The following CCN6 variants were observed in gnomAD, a reference collection of about 807,000 sequenced individuals.
The protein encoded by CCN6 is cellular communication network factor 6.
In CCN6, 31 loss-of-function variants were observed where a neutral mutation model predicts 37.4. That is an observed-to-expected ratio of 0.83 (90% CI 0.62 to 1.12). The LOEUF (loss-of-function observed/expected upper bound fraction) is 1.12, where lower values mean the gene tolerates loss of function less well. CCN6 is among the 50% of genes most tolerant of loss of function. The probability of loss-of-function intolerance (pLI) is 0.00; values close to 1 mark genes in which losing one functional copy is unlikely to be tolerated. For synonymous variants in CCN6, 137 were observed against 142.1 expected (o/e 0.96, Z 0.26); for missense variants, 369 against 413.8 (o/e 0.89, Z 0.94).
chr6:112,056,450 G>A (rs1484902269), intron 1 of CCN6, among the ~76,000 whole-genome samples: 4 of 151,736 alleles, frequency 2.6e-5, no homozygotes, highest in African/African-American at 7.3e-5. Context: ...TTCTTTTGAT[G>A]AGAAGTCAGA....
intron 1 of CCN6, among the ~76,000 whole-genome samples, chr6:112,058,152 G>T (rs1554312129): frequency 6.6e-6 from 1 of 152,038 alleles, no homozygotes. Context: ...CTTTTCCCCT[G>T]CTCCTTCTCC....
In CCN6 at chr6:112,059,315, T is replaced by C. The variant is rs1776438849; in HGVS notation, c.49-1676T>C. ...AAAACAACATGATTATCTACAGTTCTGGACATCTGATGTCCAAAAATGGGT... is the reference window on the plus strand; with the variant it reads ...AAAACAACATGATTATCTACAGTTCCGGACATCTGATGTCCAAAAATGGGT... On this transcript the variant is annotated intron_variant, in intron 1 of 4. Transcript: ENST00000368666. 2.6e-5 allele frequency among the ~76,000 whole-genome samples: 4 copies of C among 152,354 alleles called. No homozygotes were observed. In the South Asian group the frequency reaches 8.3e-4, roughly 32 times the overall value.
chr6:112,064,913 A>C lies in CCN6; in HGVS notation c.505A>C (p.Lys169Gln), dbSNP rs781974965. The C allele has an allele frequency of 8.1e-6, 13 of 1,614,104 alleles. No homozygotes were observed. Among genetic ancestry groups the C allele is most frequent in the Non-Finnish European group, 1.1e-5 (13 of 1,179,974 alleles). ...GGCTGGCAGTCACTGCTCTGGAGCT[A>C]AAGGTGGAAAGAAGTCTGATCAGTC... ...KLAGSHCSGAKGGKKSDQSNC... is the reference protein window; with the variant it reads ...KLAGSHCSGAQGGKKSDQSNC... Residue 169 changes from lysine (K) to glutamine (Q), a missense_variant, in exon 3 of 5, where the codon AAA becomes CAA. Coordinates refer to ENST00000368666, the MANE Select transcript of CCN6 (RefSeq NM_198239.2).
At chr6:112,058,710 C>T (rs1265894919) in intron 1 of CCN6, among the ~76,000 whole-genome samples, 1 of 152,224 alleles carries the variant, frequency 6.6e-6, no homozygotes, top group Non-Finnish European at 1.5e-5. Flanking sequence ...CAGGGAACTA[C>T]AGGCACTTTA....
chr6:112,054,185 C>A lies in CCN6; in HGVS notation c.-173C>A, dbSNP rs959654292. The A allele has an allele frequency of 2.2e-6, 2 of 891,642 alleles. No individual in the cohort carries two copies. The highest frequency in any genetic ancestry group is 1.9e-6 in the Non-Finnish European group (1 of 520,980). The allele number at this position is 891,642 out of a possible 1,614,324, so 55.2% of individuals were successfully genotyped here. ...AAGTAAACAGGGTATTAAAACGGAT[C>A]CTTAAAAATGAAAGTGCAGGCTGAA... is the stretch of plus-strand genomic sequence containing the variant. On this transcript the variant is annotated 5_prime_UTR_variant, in exon 1 of 5. Coordinates refer to ENST00000368666, the MANE Select transcript of CCN6 (RefSeq NM_198239.2).
intron 1 of CCN6, chr6:112,054,949 A>G (rs60060354): frequency 0.021 from 3,568 of 168,330 alleles, 151 homozygotes; most frequent in African/African-American, 0.082. Flanking sequence ...AAAGGGAAGC[A>G]GTCCATGGAG....
chr6:112,054,505 G>A (rs1265166731), intron 1 of CCN6, 100 bp downstream of exon 1: 4 of 1,139,052 alleles, frequency 3.5e-6, no homozygotes, highest in East Asian at 2.3e-5. Context: ...GAAGAGGGAG[G>A]ATCAATGGCT....
chr6:112,053,970 A>G, upstream of CCN6: 1 of 396,844 alleles, frequency 2.5e-6, no homozygotes, highest in Non-Finnish European at 4.8e-6. Context: ...GCTGAGGGCA[A>G]GGAAGGGAAT....
intron 1 of CCN6, among the ~76,000 whole-genome samples, chr6:112,058,906 A>C (rs976285323): frequency 6.6e-6 from 1 of 152,202 alleles, no homozygotes; most frequent in Non-Finnish European, 1.5e-5. Flanking sequence ...GACGCCATTC[A>C]CTAAAATGGG....
chr6:112,058,149 C>A (rs1776403180), intron 1 of CCN6, among the ~76,000 whole-genome samples: 1 of 152,114 alleles, frequency 6.6e-6, no homozygotes, highest in Non-Finnish European at 1.5e-5. Context: ...TTCCTTTTCC[C>A]CTGCTCCTTC....
intron 1 of CCN6, among the ~76,000 whole-genome samples, chr6:112,058,086 A>T (rs192629161): frequency 5.9e-5 from 9 of 152,216 alleles, no homozygotes; most frequent in African/African-American, 1.4e-4. Context: ...TAAGTTTAAA[A>T]TTTTTTTAGG....
chr6:112,068,098 T>TA, intron 3 of CCN6, 107 bp from the exon 4 acceptor site: 1 of 968,766 alleles, frequency 1.0e-6, no homozygotes, highest in Non-Finnish European at 1.5e-6. Flanking sequence ...TGAGTTATAT[T>TA]ATACAAAAAT....
intron 1 of CCN6, among the ~76,000 whole-genome samples, chr6:112,060,691 G>C (rs587725994): frequency 1.3e-5 from 2 of 152,202 alleles, no homozygotes; most frequent in African/African-American, 4.8e-5. Context: ...CCTTATCCAT[G>C]GGGCTCTGAG....
At chr6:112,055,024 T>G (rs1355903332) in intron 1 of CCN6, 3 of 155,366 alleles carry the variant, frequency 1.9e-5, no homozygotes, top group African/African-American at 7.2e-5. Flanking sequence ...ATTCATTGCC[T>G]TAGTCTTTTT....
At chr6:112,060,092 G>A in intron 1 of CCN6, 1 of 1,363,436 alleles carries the variant, frequency 7.3e-7, no homozygotes, top group African/African-American at 1.5e-5. Context: ...GCAGCAAGGG[G>A]GTGAGTGGCA....
intron 1 of CCN6, among the ~76,000 whole-genome samples, chr6:112,057,591 G>A (rs1554312009): frequency 6.6e-6 from 1 of 152,192 alleles, no homozygotes; most frequent in Admixed American, 6.5e-5. Context: ...GAAAAATGAT[G>A]ACTTTTGGAC....
chr6:112,054,402 AC>A lies in CCN6; in HGVS notation c.46del (p.Gln16SerfsTer12). 6.2e-7 allele frequency: 1 copy of A among 1,613,468 alleles called. No individual in the cohort carries two copies. The highest frequency in any genetic ancestry group is 8.5e-7 in the Non-Finnish European group (1 of 1,179,922). On this transcript the variant is annotated frameshift_variant and splice_region_variant, in exon 1 of 5. Transcript: ENST00000368666. LOFTEE classifies it high-confidence loss of function. Reference protein sequence around the residue: ...FSTLLLAGLAQFCCRVQGTGP... With the variant: ...FSTLLLAGLAXFCCRVQGTGP... ...CCACTCTTCTGCTTGCTGGCCTGGC[AC>A]AGGTAAGTCCTCTCCCCCGACTCTT...
At chr6:112,067,155 T>G (rs9400518) in intron 3 of CCN6, 100,693 of 628,872 alleles carry the variant, frequency 0.16, 10,249 homozygotes, top group East Asian at 0.37. Context: ...TTAAAGAGAC[T>G]ATTTCCTATG....
At chr6:112,053,450 C>T (rs587653247), upstream of CCN6, among the ~76,000 whole-genome samples, 124 of 151,760 alleles carry the variant, frequency 8.2e-4, no homozygotes, top group African/African-American at 2.8e-3. Flanking sequence ...GCGCCTGCCA[C>T]CACACCTGGC....
Sources: allele counts gnomAD v4.1 joint callset (sites outside exome capture counted in the v4.1 genomes callset), GRCh38; gene constraint gnomAD v4.1.1; transcripts MANE v1.5; gene names NCBI Gene and HGNC (gene_info 2026-07-23, HGNC 2026-07-21).